Variants in PCNX1 observed in about 807,000 individuals in gnomAD.
PCNX1 encodes the protein pecanex 1, also known as pecanex-like protein 1.
PCNX1 carries 78 observed loss-of-function variants against 242.2 expected under a neutral mutation model. The observed-to-expected ratio is 0.32, with a 90% confidence interval of 0.27 to 0.39. The LOEUF is 0.39. Ranked by LOEUF, PCNX1 falls within the 10% of genes least tolerant of loss-of-function variation. The pLI is 1.00. For synonymous variants in PCNX1, 1,024 were observed against 1,032.9 expected (o/e 0.99, Z 0.17); for missense variants, 2,581 against 2,856.5 (o/e 0.90, Z 2.20).
chr14:71,032,581 A>G (rs2060419809), intron 16 of PCNX1, among the ~76,000 whole-genome samples: 1 of 152,226 alleles, frequency 6.6e-6, no homozygotes, highest in African/African-American at 2.4e-5. Context: ...ATGATGTGAA[A>G]CAATTCCCAA....
intron 1 of PCNX1, among the ~76,000 whole-genome samples, chr14:70,911,146 T>C (rs2055886775): frequency 6.6e-6 from 1 of 152,234 alleles, no homozygotes; most frequent in Non-Finnish European, 1.5e-5. Context: ...ATAATGACTG[T>C]TTTAAAAGTA....
At chr14:71,043,452 T>C (rs2060768841) in intron 19 of PCNX1, among the ~76,000 whole-genome samples, 1 of 152,108 alleles carries the variant, frequency 6.6e-6, no homozygotes, top group Admixed American at 6.6e-5. Context: ...ATTTTTGCAC[T>C]GTCACATATA....
chr14:70,942,352 T>G (rs1280009828), intron 1 of PCNX1, among the ~76,000 whole-genome samples: 2 of 152,224 alleles, frequency 1.3e-5, no homozygotes. Flanking sequence ...AAATTGCACT[T>G]GTAAATTTAG....
intron 3 of PCNX1, among the ~76,000 whole-genome samples, chr14:70,965,809 T>C (rs963773394): frequency 3.9e-5 from 6 of 152,174 alleles, no homozygotes; most frequent in African/African-American, 1.4e-4. Context: ...TTGCCTGATA[T>C]GCTCTCTAGT....
rs375335266 is a variant in PCNX1, at chr14:71,024,530, C to G, written c.3183+1298C>G. ...AAAATTTTTTTTTTTATTTTTCACCCTGTCTTATGGTGCTGATGATGTTTC... is the reference window on the plus strand; with the variant it reads ...AAAATTTTTTTTTTTATTTTTCACCGTGTCTTATGGTGCTGATGATGTTTC... On this transcript the variant is annotated intron_variant, in intron 13 of 35. Transcript: ENST00000304743. Among the ~76,000 whole-genome samples the G allele has an allele frequency of 3.6e-3, 549 of 151,800 alleles. 1 individual carries two copies. Among genetic ancestry groups the G allele is most frequent in the African/African-American group, 0.013 (532 of 41,408 alleles).
intron 28 of PCNX1, among the ~76,000 whole-genome samples, chr14:71,078,935 T>G (rs1215155869): frequency 2.6e-5 from 4 of 152,162 alleles, no homozygotes; most frequent in African/African-American, 9.7e-5. Flanking sequence ...CATGCCATGG[T>G]GGCTTGCTGT....
chr14:71,003,957 A>G (rs1390537965), intron 8 of PCNX1, among the ~76,000 whole-genome samples: 1 of 152,262 alleles, frequency 6.6e-6, no homozygotes, highest in Non-Finnish European at 1.5e-5. Context: ...TGAAGTTACA[A>G]GGACATAGTG....
At chr14:71,076,022 A>C (rs760102302) in intron 27 of PCNX1, among the ~76,000 whole-genome samples, 167 bp from the exon 28 acceptor site, 4 of 152,128 alleles carry the variant, frequency 2.6e-5, no homozygotes, top group Non-Finnish European at 5.9e-5. Context: ...TATTCTTAAA[A>C]TATATATGTA....
At chr14:71,105,463 G>C in intron 33 of PCNX1, 23 bp downstream of exon 33, 1 of 1,571,848 alleles carries the variant, frequency 6.4e-7, no homozygotes, top group East Asian at 2.2e-5. Flanking sequence ...AAAGTTATAT[G>C]TCTAATGTTA....
At chr14:70,999,085 T>G (rs2059433394) in intron 8 of PCNX1, among the ~76,000 whole-genome samples, 1 of 152,196 alleles carries the variant, frequency 6.6e-6, no homozygotes, top group South Asian at 2.1e-4. Context: ...GACTTAGTAA[T>G]GCCCAGATTA....
chr14:71,066,894 T>A (rs2061460711), intron 26 of PCNX1, among the ~76,000 whole-genome samples: 1 of 152,184 alleles, frequency 6.6e-6, no homozygotes, highest in African/African-American at 2.4e-5. Flanking sequence ...TGGTTCTGTT[T>A]ATGTGATGGA....
chr14:70,955,709 C>T (rs984505096), intron 2 of PCNX1, among the ~76,000 whole-genome samples: 2 of 152,144 alleles, frequency 1.3e-5, no homozygotes, highest in Non-Finnish European at 2.9e-5. Context: ...CTGAAATCTC[C>T]ATTGCTGCAA....
intron 8 of PCNX1, among the ~76,000 whole-genome samples, chr14:70,997,574 C>CT (rs2140356577): frequency 6.6e-6 from 1 of 152,278 alleles, no homozygotes; most frequent in East Asian, 1.9e-4. Flanking sequence ...ACTTTAGCAT[C>CT]TGTTGGTGGA....
At chr14:70,968,518 A>T (rs542594777) in intron 4 of PCNX1, among the ~76,000 whole-genome samples, 1 of 152,296 alleles carries the variant, frequency 6.6e-6, no homozygotes, top group East Asian at 1.9e-4. Flanking sequence ...GAGGGAAAAC[A>T]GTTTTGTGGG....
At chr14:71,005,878 T>C (rs945713000) in intron 8 of PCNX1, among the ~76,000 whole-genome samples, 1 of 152,174 alleles carries the variant, frequency 6.6e-6, no homozygotes, top group Admixed American at 6.5e-5. Context: ...ACAGTCACTA[T>C]TGAGTATTCA....
rs944687613 is a variant in PCNX1, at chr14:71,050,645, C to T, written c.4339-7C>T. The T allele has an allele frequency of 7.0e-6, 11 of 1,561,230 alleles. No individual in the cohort carries two copies. Among genetic ancestry groups the T allele is most frequent in the Non-Finnish European group, 9.5e-6 (11 of 1,155,964 alleles). ...TTTTACTGACAGCCATTCTTTTCCTCCTGCAGCTTTGGGAACTACTTTATA... is the reference window on the plus strand; with the variant it reads ...TTTTACTGACAGCCATTCTTTTCCTTCTGCAGCTTTGGGAACTACTTTATA... On this transcript the variant is annotated splice_region_variant and splice_polypyrimidine_tract_variant and intron_variant, in intron 22 of 35. Transcript: ENST00000304743.
intron 2 of PCNX1, among the ~76,000 whole-genome samples, chr14:70,954,655 T>G (rs2057921493): frequency 1.3e-5 from 2 of 152,344 alleles, no homozygotes; most frequent in South Asian, 4.1e-4. Flanking sequence ...GTTTATTTTG[T>G]GTCTAGCAAT....
intron 2 of PCNX1, among the ~76,000 whole-genome samples, chr14:70,952,004 ACACT>A (rs1278880884): frequency 3.3e-5 from 5 of 152,224 alleles, no homozygotes; most frequent in Non-Finnish European, 7.3e-5. Flanking sequence ...TGTAGACTTC[ACACT>A]CAGTCAGTCA....
intron 1 of PCNX1, among the ~76,000 whole-genome samples, chr14:70,912,554 C>T (rs1486392361): frequency 2.0e-5 from 3 of 151,764 alleles, no homozygotes; most frequent in South Asian, 2.1e-4. Context: ...AACAACACTG[C>T]CACAAAATGT....
Sources: allele counts gnomAD v4.1 joint callset (sites outside exome capture counted in the v4.1 genomes callset), GRCh38; gene constraint gnomAD v4.1.1; transcripts MANE v1.5; gene names NCBI Gene and HGNC (gene_info 2026-07-23, HGNC 2026-07-21).